The following UNC5D variants were observed in gnomAD, a reference collection of about 807,000 sequenced individuals.
UNC5D encodes unc-5 netrin receptor D, also known as netrin receptor UNC5D.
In UNC5D, 39 loss-of-function variants were observed where a neutral mutation model predicts 105.4. The observed-to-expected ratio is 0.37, with a 90% CI of 0.29 to 0.48. The LOEUF is 0.48. UNC5D is among the 20% of genes least tolerant of loss of function. The pLI is 0.98. For missense variants in UNC5D, 991 were observed against 1,202.4 expected, an observed-to-expected ratio of 0.82 and a Z score of 2.60; for synonymous variants, 452 against 450.4, an observed-to-expected ratio of 1.00 and a Z score of -0.04.
rs191208016 is a variant in UNC5D at position 35,696,536 on chromosome 8, A to C, written c.1085-9393A>C. On this transcript the variant is annotated intron_variant, in intron 7 of 16. Transcript: ENST00000404895. Reference sequence around the variant, plus strand: ...GAGATCATAGAGTGGTTTGGCTATAAAAGAAGTGGCAAGAACCCAATCAGG... The same window carrying C: ...GAGATCATAGAGTGGTTTGGCTATACAAGAAGTGGCAAGAACCCAATCAGG... Among the ~76,000 whole-genome samples the C allele has an allele frequency of 9.7e-4, 147 of 152,232 alleles. 1 individual carries two copies. Among genetic ancestry groups the C allele is most frequent in the Admixed American group, 7.8e-3 (119 of 15,272 alleles).
Position 35,422,332 on chromosome 8 carries a change from C to A in UNC5D, c.104-126960C>A, listed in dbSNP as rs141251747. Among the ~76,000 whole-genome samples the A allele has an allele frequency of 6.5e-3, 991 of 152,264 alleles. 4 individuals carry two copies. Among genetic ancestry groups the A allele is most frequent in the Middle Eastern group, 0.014 (4 of 294 alleles). On this transcript the variant is annotated intron_variant, in intron 1 of 16. Transcript: ENST00000404895. ...AGAAGACTGGGTTTCATTGGGAGAC[C>A]ATTTTCTCAGTTATTCTATGTTTTG...
chr8:35,759,282 T>C, intron 13 of UNC5D, 38 bp from the exon 14 acceptor site: 1 of 1,607,744 alleles, frequency 6.2e-7, no homozygotes, highest in South Asian at 1.1e-5. Flanking sequence ...AGCAGGATAT[T>C]TCATTATTGA....
At chr8:35,760,643 T>C (rs539254790) in intron 14 of UNC5D, among the ~76,000 whole-genome samples, 113 of 152,182 alleles carry the variant, frequency 7.4e-4, no homozygotes, top group Non-Finnish European at 1.5e-3. Flanking sequence ...GGATATTTCC[T>C]TCACTCTGGA....
At chr8:35,771,835 G>A (rs1586621064) in intron 15 of UNC5D, among the ~76,000 whole-genome samples, 1 of 152,150 alleles carries the variant, frequency 6.6e-6, no homozygotes, top group African/African-American at 2.4e-5. Flanking sequence ...TAGTTGTTAG[G>A]ATGTCAGAAT....
intron 3 of UNC5D, among the ~76,000 whole-genome samples, chr8:35,570,881 C>A (rs1376401616): frequency 6.6e-6 from 1 of 151,916 alleles, no homozygotes; most frequent in East Asian, 1.9e-4. Flanking sequence ...TCACTTGAAC[C>A]CGGGAGGCAG....
chr8:35,350,201 G>T (rs994147201), intron 1 of UNC5D, among the ~76,000 whole-genome samples: 8 of 152,004 alleles, frequency 5.3e-5, no homozygotes, highest in Admixed American at 2.0e-4. Flanking sequence ...TTACAGTACA[G>T]TTCCATTTAA....
At chr8:35,612,347 A>AT (rs1232627909) in intron 4 of UNC5D, among the ~76,000 whole-genome samples, 1 of 152,030 alleles carries the variant, frequency 6.6e-6, no homozygotes, top group Non-Finnish European at 1.5e-5. Context: ...GAAAGAATGT[A>AT]TTTTTTGTAT....
chr8:35,491,152 G>A (rs1306974303), intron 1 of UNC5D, among the ~76,000 whole-genome samples: 1 of 152,024 alleles, frequency 6.6e-6, no homozygotes, highest in African/African-American at 2.4e-5. Flanking sequence ...TCAGGTAATT[G>A]GGGCTGCTGA....
chr8:35,525,909 G>A lies in UNC5D; in HGVS notation c.104-23383G>A, dbSNP rs193041066. ...AAATTTTCTTTTCTCTCCCTGCACT[G>A]GAGTGTTCATAAAGAGTCTACAAAT... On this transcript the variant is annotated intron_variant, in intron 1 of 16. Coordinates refer to ENST00000404895, the MANE Select transcript of UNC5D (RefSeq NM_080872.4). 1,242 of 714,946 alleles carry A rather than the reference G, an allele frequency of 1.7e-3. 4 individuals are homozygous for A. Among genetic ancestry groups the A allele is most frequent in the Non-Finnish European group, 1.6e-3 (691 of 440,900 alleles). The allele number at this position is 714,946 out of a possible 1,614,324, so 44.3% of individuals were successfully genotyped here.
chr8:35,287,193 G>C (rs551841190), intron 1 of UNC5D, among the ~76,000 whole-genome samples: 12 of 152,202 alleles, frequency 7.9e-5, no homozygotes, highest in Admixed American at 7.2e-4. Context: ...AAATGCACAG[G>C]CATAAGGACA....
At chr8:35,319,037 A>G (rs3108619) in intron 1 of UNC5D, among the ~76,000 whole-genome samples, 55,458 of 151,966 alleles carry the variant, frequency 0.36, 11,052 homozygotes, top group Middle Eastern at 0.45. Context: ...CTTTAGAAAA[A>G]AGAAAGGATT....
At chr8:35,628,863 A>G (rs1221570420) in intron 4 of UNC5D, among the ~76,000 whole-genome samples, 2 of 152,206 alleles carry the variant, frequency 1.3e-5, no homozygotes, top group Non-Finnish European at 2.9e-5. Flanking sequence ...TGTATCTCAT[A>G]GAATTAGTGA....
At chr8:35,609,808 G>A (rs1820555499) in intron 4 of UNC5D, among the ~76,000 whole-genome samples, 1 of 152,122 alleles carries the variant, frequency 6.6e-6, no homozygotes, top group Admixed American at 6.5e-5. Flanking sequence ...GGGCTCATGG[G>A]GTCACCACTG....
chr8:35,627,656 C>T (rs550933627), intron 4 of UNC5D, among the ~76,000 whole-genome samples: 4 of 152,138 alleles, frequency 2.6e-5, no homozygotes, highest in Non-Finnish European at 5.9e-5. Context: ...TGACTGGGCG[C>T]GGTGGCTCAC....
intron 3 of UNC5D, among the ~76,000 whole-genome samples, chr8:35,584,590 G>GTTGTTGT (rs1344451656): frequency 6.6e-6 from 1 of 151,388 alleles, no homozygotes; most frequent in African/African-American, 2.4e-5. Context: ...TGTTGTTGTT[G>GTTGTTGT]TTGTTGTTTT....
At chr8:35,333,275 C>T (rs766699754) in intron 1 of UNC5D, among the ~76,000 whole-genome samples, 8 of 152,070 alleles carry the variant, frequency 5.3e-5, no homozygotes, top group African/African-American at 7.2e-5. Context: ...GAGCTCTGAT[C>T]GTGCCACTGC....
At chr8:35,397,656 C>G (rs773959650) in intron 1 of UNC5D, among the ~76,000 whole-genome samples, 1 of 152,144 alleles carries the variant, frequency 6.6e-6, no homozygotes, top group Non-Finnish European at 1.5e-5. Flanking sequence ...TCTGTTTCAT[C>G]TAGATTTAAA....
At chr8:35,723,855 A>C (rs1260428684) in intron 9 of UNC5D, among the ~76,000 whole-genome samples, 2 of 152,190 alleles carry the variant, frequency 1.3e-5, no homozygotes, top group Non-Finnish European at 2.9e-5. Flanking sequence ...CTTTGAAGTT[A>C]GATTTTAGTC....
intron 1 of UNC5D, among the ~76,000 whole-genome samples, chr8:35,249,486 A>G (rs1803535305): frequency 6.6e-6 from 1 of 150,870 alleles, no homozygotes; most frequent in Non-Finnish European, 1.5e-5. Context: ...TGAACCTGGG[A>G]GGTGGAGGTT....
Sources: allele counts gnomAD v4.1 joint callset (sites outside exome capture counted in the v4.1 genomes callset), GRCh38; gene constraint gnomAD v4.1.1; transcripts MANE v1.5; gene names NCBI Gene and HGNC (gene_info 2026-07-23, HGNC 2026-07-21).